The following C2orf72 variants were observed in gnomAD, a reference collection of about 807,000 sequenced individuals.
C2orf72 encodes uncharacterized protein C2orf72.
Under a neutral mutation model 14.4 loss-of-function variants are expected in C2orf72, and 16 were observed. The observed-to-expected ratio is 1.11, with a 90% confidence interval of 0.75 to 1.69. C2orf72 has a LOEUF of 1.69. Ranked by LOEUF, C2orf72 falls within the 40% of genes most tolerant of loss-of-function variation. The pLI, the probability that C2orf72 is intolerant of heterozygous loss-of-function variation, is 0.00. For missense variants in C2orf72, 371 were observed against 358.3 expected (o/e 1.04, Z -0.29); for synonymous variants, 168 against 176.8 (o/e 0.95, Z 0.40).
chr2:231,044,347 C>A (rs1408503712), intron 2 of C2orf72, among the ~76,000 whole-genome samples: 1 of 152,150 alleles, frequency 6.6e-6, no homozygotes, highest in African/African-American at 2.4e-5. Context: ...ACTTTATAAG[C>A]TTTTTGATTT....
chr2:231,037,999 T>C lies in C2orf72; in HGVS notation c.434T>C (p.Val145Ala). Residue 145 changes from valine to alanine, a missense_variant, in exon 1 of 3, where the codon GTG becomes GCG. By Grantham distance (64) the Val-to-Ala change is moderately conservative (BLOSUM62 0). Around this residue, in one of 3 missense-constraint regions of C2orf72, gnomAD observed 214 missense variants for 178.7 expected, o/e 1.20. Transcript: ENST00000373640. Reference protein sequence around the residue: ...RRRAGAALVGVLVAEAGPEDA... With the variant: ...RRRAGAALVGALVAEAGPEDA... ...CGGGCCGGGGCGGCGCTGGTCGGGG[T>C]GCTGGTGGCCGAGGCCGGGCCAGAG... 1 of 1,044,886 alleles carries C rather than the reference T, an allele frequency of 9.6e-7. No homozygotes were observed. Among genetic ancestry groups the C allele is most frequent in the Non-Finnish European group, 1.1e-6 (1 of 872,240 alleles). The allele number at this position is 1,044,886 out of a possible 1,614,324, so 64.7% of individuals were successfully genotyped here. A position where few individuals can be genotyped will look rare whatever the true frequency, so the allele number is the denominator to read the frequency against.
intron 1 of C2orf72, 69 bp downstream of exon 1, chr2:231,038,268 C>T (rs1332542542): frequency 8.9e-7 from 1 of 1,122,590 alleles, no homozygotes. Context: ...AAGTTGGACC[C>T]CTTTGGCCAT....
chr2:231,041,204 C>A (rs1000862534), intron 1 of C2orf72, 92 bp from the exon 2 acceptor site: 1 of 880,562 alleles, frequency 1.1e-6, no homozygotes, highest in Non-Finnish European at 1.7e-6. Context: ...GGCAGTTGAC[C>A]GTTGGGGCAC....
intron 2 of C2orf72, among the ~76,000 whole-genome samples, chr2:231,044,666 A>ATT (rs934535205): frequency 0.17 from 19,936 of 114,750 alleles, 1,796 homozygotes; most frequent in African/African-American, 0.23. Context: ...TCCTATTTTA[A>ATT]TTTTTTTTTT....
intron 2 of C2orf72, among the ~76,000 whole-genome samples, chr2:231,045,281 TTA>T (rs201711257): frequency 6.6e-6 from 1 of 150,838 alleles, no homozygotes. Flanking sequence ...AATAATAATT[TTA>T]TATATATAGA....
At chr2:231,043,000 G>A (rs12613603) in intron 2 of C2orf72, among the ~76,000 whole-genome samples, 5,858 of 152,268 alleles carry the variant, frequency 0.038, 143 homozygotes, top group East Asian at 0.14. Context: ...GTGAAACTCC[G>A]TCTCAAAATA....
rs901493064 is a variant in C2orf72, at chr2:231,037,767, G to T, written c.202G>T (p.Gly68Cys). Residue 68 changes from glycine to cysteine, a missense_variant, in exon 1 of 3, where the codon GGC (glycine) becomes TGC (cysteine). By Grantham distance (159) the Gly-to-Cys change is radical (BLOSUM62 -3). This residue lies in a region of C2orf72 where 214 missense variants were observed against 178.7 expected (regional missense o/e 1.20). Transcript: ENST00000373640. ...PPEPGAAKPG[G>C]AAAEGAGPGA... ...GGAGCCAGGCGCGGCCAAGCCGGGC[G>T]GCGCGGCGGCAGAGGGCGCGGGGCC... is the stretch of plus-strand genomic sequence containing the variant. 9 of 992,640 alleles carry T rather than the reference G, an allele frequency of 9.1e-6. No homozygotes were observed. Among genetic ancestry groups the T allele is most frequent in the Non-Finnish European group, 2.4e-6 (2 of 836,462 alleles). The allele number at this position is 992,640 out of a possible 1,614,324, so 61.5% of individuals were successfully genotyped here. A position where few individuals can be genotyped will look rare whatever the true frequency, so the allele number is the denominator to read the frequency against.
chr2:231,043,064 G>A (rs1230509531), intron 2 of C2orf72, among the ~76,000 whole-genome samples: 1 of 152,224 alleles, frequency 6.6e-6, no homozygotes, highest in East Asian at 1.9e-4. Flanking sequence ...TTGATTAGGT[G>A]TCTGACTTCT....
chr2:231,043,921 A>G (rs1693375599), intron 2 of C2orf72, among the ~76,000 whole-genome samples: 1 of 152,222 alleles, frequency 6.6e-6, no homozygotes, highest in Non-Finnish European at 1.5e-5. Flanking sequence ...GTGTACTTAG[A>G]AACCTGGATG....
Position 231,037,886 on chromosome 2 carries a change from C to G in C2orf72, c.321C>G (p.Val107=). The G allele has an allele frequency of 5.0e-6, 5 of 1,004,234 alleles. No individual in the cohort carries two copies. The highest frequency in any genetic ancestry group is 5.9e-6 in the Non-Finnish European group (5 of 846,148). 62.2% of individuals were successfully genotyped at this position (1,004,234 alleles called of 1,614,324 possible). ...AAARAIRSPL[V]FVLCRASSLA... ...CGCGCGCCATCCGCTCGCCGCTGGT[C>G]TTCGTGCTGTGCCGCGCGTCGTCGC... Residue 107 remains valine (V), a synonymous_variant, in exon 1 of 3, where the codon GTC becomes GTG. Transcript: ENST00000373640.
intron 2 of C2orf72, among the ~76,000 whole-genome samples, chr2:231,043,185 C>T (rs1693366746): frequency 6.6e-6 from 1 of 152,186 alleles, no homozygotes; most frequent in Non-Finnish European, 1.5e-5. Context: ...GAACCCCGCT[C>T]TCCAGTCTGC....
chr2:231,044,666 ATTTTT>A (rs934535205), intron 2 of C2orf72, among the ~76,000 whole-genome samples: 75 of 115,094 alleles, frequency 6.5e-4, no homozygotes, highest in African/African-American at 2.1e-3. Flanking sequence ...TCCTATTTTA[ATTTTT>A]TTTTTTTTTT....
At chr2:231,045,267 A>T (rs1693400683) in intron 2 of C2orf72, among the ~76,000 whole-genome samples, 1 of 151,546 alleles carries the variant, frequency 6.6e-6, no homozygotes, top group Non-Finnish European at 1.5e-5. Context: ...CCATCTCAAA[A>T]AATAATAATA....
In C2orf72 at chr2:231,041,990, T is replaced by C. The variant is rs573161378; in HGVS notation, c.748+581T>C. On this transcript the variant is annotated intron_variant, in intron 2 of 2. Transcript: ENST00000373640. ...TTCAGGAGTAGTGTGCCATGAGCGA[T>C]TTCTGAGCAGAGAGATTGGGGTGTG... Among the ~76,000 whole-genome samples the C allele has an allele frequency of 5.9e-5, 9 of 152,174 alleles. No individual in the cohort carries two copies. The South Asian group carries it at 1.9e-3, about 32-fold the overall frequency.
At chr2:231,040,619 G>GT (rs1174369937) in intron 1 of C2orf72, among the ~76,000 whole-genome samples, 1 of 152,168 alleles carries the variant, frequency 6.6e-6, no homozygotes, top group Non-Finnish European at 1.5e-5. Flanking sequence ...GGTTGGATCT[G>GT]TTTTTTTAAA....
At position 231,039,482 on chromosome 2, in the gene C2orf72, C is replaced by T. The variant is rs545644486; in HGVS notation, c.634+1283C>T. Among the ~76,000 whole-genome samples, 95 of 152,158 alleles carry T rather than the reference C, an allele frequency of 6.2e-4. 1 individual carries two copies. The South Asian group carries it at 0.018, about 30-fold the overall frequency. On this transcript the variant is annotated intron_variant, in intron 1 of 2. Coordinates refer to ENST00000373640, the MANE Select transcript of C2orf72 (RefSeq NM_001144994.2). ...TGAAGAAAGTGGCTGTATTGTGTGT[C>T]TCCTGGAGTATTGGCGTTGGTTGGG...
intron 2 of C2orf72, among the ~76,000 whole-genome samples, chr2:231,044,945 T>TTTTATATATATATATATA (rs1553555571): frequency 7.1e-6 from 1 of 141,668 alleles, no homozygotes; most frequent in African/African-American, 2.6e-5. Context: ...ATATATATCT[T>TTTTATATATATATATATA]TATATATATA....
chr2:231,045,810 G>T (rs181267701), intron 2 of C2orf72, among the ~76,000 whole-genome samples: 1 of 152,088 alleles, frequency 6.6e-6, no homozygotes, highest in Non-Finnish European at 1.5e-5. Flanking sequence ...GAGCCACGGC[G>T]CCCGGCCAGC....
In C2orf72 at chr2:231,046,982, C is replaced by T. The variant is rs563368666; in HGVS notation, c.849C>T (p.Val283=). The T allele has an allele frequency of 7.1e-6, 11 of 1,551,646 alleles. No homozygotes were observed. Among genetic ancestry groups the T allele is most frequent in the East Asian group, 4.9e-5 (2 of 40,912 alleles). ...GGGGGTCAAAAGCCTGTGATGGAGTCGTACACACTCCTGCTGAGCCCACCG... is the reference window on the plus strand; with the variant it reads ...GGGGGTCAAAAGCCTGTGATGGAGTTGTACACACTCCTGCTGAGCCCACCG... ...LGRGSKACDG[V]VHTPAEPTGD... Residue 283 remains valine, a synonymous_variant, in exon 3 of 3, where the codon GTC becomes GTT. Coordinates refer to ENST00000373640, the MANE Select transcript of C2orf72 (RefSeq NM_001144994.2).
Sources: gnomAD v4.1 joint callset for allele counts (sites outside exome capture counted in the v4.1 genomes callset) on GRCh38, gnomAD v4.1.1 for gene constraint, gnomAD v4.1.1 regional missense constraint, MANE v1.5 for transcripts, NCBI Gene and HGNC (gene_info 2026-07-23, HGNC 2026-07-21) for gene names.